Variants in ATXN7L1 observed in about 807,000 individuals in gnomAD.
The protein encoded by ATXN7L1 is ataxin-7-like protein 1.
In ATXN7L1, 15 loss-of-function variants were observed where a neutral mutation model predicts 70.8. The observed-to-expected ratio is 0.21, with a 90% confidence interval of 0.14 to 0.33. The LOEUF is 0.33. Among genes scored for constraint, ATXN7L1 ranks in the 10% least tolerant of loss-of-function variants. The pLI, the probability that ATXN7L1 is intolerant of heterozygous loss-of-function variation, is 1.00. For synonymous variants in ATXN7L1, 440 were observed against 445.1 expected (o/e 0.99, Z 0.14); for missense variants, 975 against 1,097.1 (o/e 0.89, Z 1.57).
chr7:105,653,717 A>C (rs1800193504), intron 4 of ATXN7L1, among the ~76,000 whole-genome samples: 1 of 152,156 alleles, frequency 6.6e-6, no homozygotes, highest in Admixed American at 6.5e-5. Flanking sequence ...CAGAGGTCCA[A>C]GTGTAACCTT....
intron 3 of ATXN7L1, among the ~76,000 whole-genome samples, chr7:105,751,070 T>A (rs1268655158): frequency 6.6e-6 from 1 of 152,144 alleles, no homozygotes; most frequent in African/African-American, 2.4e-5. Flanking sequence ...TACTCCCCAA[T>A]TGCTGAACAT....
At chr7:105,845,852 A>G (rs149876975) in intron 2 of ATXN7L1, among the ~76,000 whole-genome samples, 1 of 152,332 alleles carries the variant, frequency 6.6e-6, no homozygotes, top group African/African-American at 2.4e-5. Context: ...AGCCACATGA[A>G]AAAGAATTTT....
intron 2 of ATXN7L1, among the ~76,000 whole-genome samples, chr7:105,858,625 G>A (rs984214791): frequency 1.3e-5 from 2 of 152,122 alleles, no homozygotes; most frequent in Admixed American, 1.3e-4. Flanking sequence ...ACCACCTTAC[G>A]AAGTCATCCA....
intron 3 of ATXN7L1, among the ~76,000 whole-genome samples, chr7:105,783,749 T>C (rs1803869038): frequency 1.3e-5 from 2 of 152,176 alleles, no homozygotes; most frequent in Admixed American, 6.5e-5. Flanking sequence ...CCAGTAAACA[T>C]TAGTAAAATG....
chr7:105,672,649 C>A (rs1803947462), intron 3 of ATXN7L1, among the ~76,000 whole-genome samples: 2 of 152,048 alleles, frequency 1.3e-5, no homozygotes, highest in Admixed American at 1.3e-4. Context: ...TTTTCAGAGC[C>A]CCTGTCTTAA....
At chr7:105,793,355 T>C (rs939775715) in intron 2 of ATXN7L1, among the ~76,000 whole-genome samples, 2 of 152,230 alleles carry the variant, frequency 1.3e-5, no homozygotes, top group Admixed American at 1.3e-4. Flanking sequence ...ACACACTGCT[T>C]GGCCTTGTAC....
At chr7:105,652,234 A>T (rs1799960312) in intron 4 of ATXN7L1, among the ~76,000 whole-genome samples, 1 of 152,204 alleles carries the variant, frequency 6.6e-6, no homozygotes, top group Admixed American at 6.5e-5. Context: ...CAGGGAGTCC[A>T]GGAGCGTTTT....
chr7:105,778,529 A>AAC (rs1554460026), intron 3 of ATXN7L1, among the ~76,000 whole-genome samples: 6,046 of 141,370 alleles, frequency 0.043, 160 homozygotes, highest in African/African-American at 0.065. Context: ...AAAAAAAAAA[A>AAC]AAAAAACAAA....
chr7:105,809,231 T>C (rs1808060782), intron 2 of ATXN7L1, among the ~76,000 whole-genome samples: 2 of 152,360 alleles, frequency 1.3e-5, no homozygotes, highest in Non-Finnish European at 2.9e-5. Context: ...GTGACTAATA[T>C]ATTACATCCT....
chr7:105,758,094 C>T (rs1800033237), intron 3 of ATXN7L1, among the ~76,000 whole-genome samples: 1 of 152,140 alleles, frequency 6.6e-6, no homozygotes, highest in Non-Finnish European at 1.5e-5. Context: ...TCCAAAACCC[C>T]TCATGGACTG....
At chr7:105,733,932 T>TCATCCATC (rs76828507) in intron 3 of ATXN7L1, among the ~76,000 whole-genome samples, 100 of 96,738 alleles carry the variant, frequency 1.0e-3, no homozygotes, top group South Asian at 1.6e-3. Flanking sequence ...CCATCATCCA[T>TCATCCATC]CATCCATCCA....
intron 2 of ATXN7L1, among the ~76,000 whole-genome samples, chr7:105,829,112 T>G (rs183927415): frequency 1.3e-5 from 2 of 152,058 alleles, no homozygotes; most frequent in African/African-American, 4.8e-5. Flanking sequence ...AGTCCTCAAA[T>G]AGTGAAGTGA....
intron 3 of ATXN7L1, among the ~76,000 whole-genome samples, chr7:105,695,322 C>A (rs1186425853): frequency 6.6e-6 from 1 of 152,176 alleles, no homozygotes; most frequent in African/African-American, 2.4e-5. Context: ...AAAAGCACAA[C>A]ATCGCCCTCA....
intron 3 of ATXN7L1, among the ~76,000 whole-genome samples, chr7:105,765,131 C>T (rs191313683): frequency 2.6e-5 from 4 of 151,892 alleles, no homozygotes; most frequent in South Asian, 2.1e-4. Context: ...GTCAGGAGTT[C>T]GAGACGAGCC....
At chr7:105,617,314 G>A (rs1217798375) in intron 9 of ATXN7L1, among the ~76,000 whole-genome samples, 3 of 152,080 alleles carry the variant, frequency 2.0e-5, no homozygotes, top group Admixed American at 6.6e-5. Context: ...ATGAGCCACT[G>A]CACCCGGCCT....
intron 3 of ATXN7L1, among the ~76,000 whole-genome samples, chr7:105,712,806 A>G (rs1794090277): frequency 6.6e-6 from 1 of 152,172 alleles, no homozygotes; most frequent in Non-Finnish European, 1.5e-5. Context: ...TCTTCTTCTG[A>G]GCCCTCCAAA....
intron 2 of ATXN7L1, among the ~76,000 whole-genome samples, chr7:105,855,277 ACTC>A (rs1032204321): frequency 2.0e-5 from 3 of 152,034 alleles, no homozygotes; most frequent in African/African-American, 7.2e-5. Flanking sequence ...TGTCTCAACT[ACTC>A]CATGCAGGCA....
rs200622868 is a variant in ATXN7L1 at position 105,605,475 on chromosome 7, T to TGGGGGGGGGGG, written c.*2366_*2376dup. ...CAAAGTAAGCAGCATTCGATGAGGGTGGGGGGGGGGGTGGGGGCTCTTTAT... is the reference window on the plus strand; with the variant it reads ...CAAAGTAAGCAGCATTCGATGAGGGTGGGGGGGGGGGGGGGGGGGGGGTGGGGGCTCTTTAT... On this transcript the variant is annotated 3_prime_UTR_variant, in exon 12 of 12. Transcript: ENST00000419735. 1 of 64,438 alleles carries TGGGGGGGGGGG rather than the reference T, an allele frequency of 1.6e-5. No homozygotes were observed. 4.0% of individuals were successfully genotyped at this position (64,438 alleles called of 1,614,324 possible). A position where few individuals can be genotyped will look rare whatever the true frequency, so the allele number is the denominator to read the frequency against.
At chr7:105,701,218 C>A (rs1430488021) in intron 3 of ATXN7L1, among the ~76,000 whole-genome samples, 3 of 152,130 alleles carry the variant, frequency 2.0e-5, no homozygotes, top group African/African-American at 7.2e-5. Flanking sequence ...ATTATTGGCA[C>A]ATCCATTCAA....
Sources: allele counts gnomAD v4.1 joint callset (sites outside exome capture counted in the v4.1 genomes callset), GRCh38; gene constraint gnomAD v4.1.1; transcripts MANE v1.5; gene names NCBI Gene and HGNC (gene_info 2026-07-23, HGNC 2026-07-21).